The following ZNRF1 variants were observed in gnomAD, a reference collection of about 807,000 sequenced individuals.
The protein encoded by ZNRF1 is zinc and ring finger 1.
A neutral mutation model predicts 18.4 loss-of-function variants in ZNRF1; 3 were observed. That is an observed-to-expected ratio of 0.16 (90% confidence interval 0.07 to 0.42). The LOEUF (loss-of-function observed/expected upper bound fraction) is 0.42. Among genes scored for constraint, ZNRF1 ranks in the 10% least tolerant of loss-of-function variants. The probability of loss-of-function intolerance (pLI) is 0.99; values close to 1 mark genes in which losing one functional copy is unlikely to be tolerated. For synonymous variants in ZNRF1, 157 were observed against 144.2 expected, an observed-to-expected ratio of 1.09 and a Z score of -0.64; for missense variants, 310 against 329.8, an observed-to-expected ratio of 0.94 and a Z score of 0.47.
chr16:75,065,559 C>T (rs952241925), intron 1 of ZNRF1, among the ~76,000 whole-genome samples: 1 of 152,128 alleles, frequency 6.6e-6, no homozygotes, highest in East Asian at 1.9e-4. Context: ...CAAAATGAAA[C>T]AATATAGAAA....
rs988272778 is a variant in ZNRF1, at chr16:75,036,695, C to G, written c.424+36600C>G. ...TCATTCATTTTCTTTCTCAGCTGTT[C>G]AAACTTTAAATGTTTAAAAGGGATA... On this transcript the variant is annotated intron_variant, in intron 1 of 4. Coordinates refer to ENST00000335325, the MANE Select transcript of ZNRF1 (RefSeq NM_032268.5). Among the ~76,000 whole-genome samples, 3 of 151,176 alleles carry G rather than the reference C, an allele frequency of 2.0e-5. No homozygotes were observed. In the Admixed American group the frequency reaches 2.0e-4, roughly 10 times the overall value.
intron 1 of ZNRF1, among the ~76,000 whole-genome samples, chr16:75,086,416 C>T (rs976139430): frequency 7.9e-5 from 12 of 152,158 alleles, no homozygotes; most frequent in African/African-American, 2.7e-4. Context: ...GAGAGGTTTT[C>T]GAAGAGGCAA....
rs938673982 is a variant in ZNRF1, at chr16:75,098,059, A to T, written c.520+4392A>T. Among the ~76,000 whole-genome samples the T allele has an allele frequency of 2.0e-5, 3 of 152,162 alleles. No individual in the cohort carries two copies. The South Asian group carries it at 6.2e-4, about 31-fold the overall frequency. On this transcript the variant is annotated intron_variant, in intron 2 of 4. Coordinates refer to ENST00000335325, the MANE Select transcript of ZNRF1 (RefSeq NM_032268.5). The stretch of plus-strand genomic sequence containing the variant: ...GCCCAGAGCCATTGTTAGATGCTGG[A>T]TGGGCTGGAGTCAGGCTGGACAGGC...
At chr16:75,068,897 T>G (rs2145397408) in intron 1 of ZNRF1, among the ~76,000 whole-genome samples, 1 of 151,658 alleles carries the variant, frequency 6.6e-6, no homozygotes, top group East Asian at 1.9e-4. Flanking sequence ...CCCTCTTCTG[T>G]GAAATGGGCC....
At chr16:75,015,432 G>A (rs1179823938) in intron 1 of ZNRF1, among the ~76,000 whole-genome samples, 1 of 152,160 alleles carries the variant, frequency 6.6e-6, no homozygotes, top group Non-Finnish European at 1.5e-5. Context: ...AAAATGAGCT[G>A]GGCGTGGTGG....
chr16:75,022,070 T>C (rs1322479775), intron 1 of ZNRF1, among the ~76,000 whole-genome samples: 1 of 152,138 alleles, frequency 6.6e-6, no homozygotes, highest in Non-Finnish European at 1.5e-5. Context: ...CTTCCGTCCG[T>C]CCATCCATCC....
chr16:75,072,945 T>A (rs1414382670), intron 1 of ZNRF1, among the ~76,000 whole-genome samples: 1 of 152,162 alleles, frequency 6.6e-6, no homozygotes, highest in East Asian at 1.9e-4. Flanking sequence ...CCAGTGCTAC[T>A]GTTCATCACA....
chr16:75,011,551 C>T (rs539742356), intron 1 of ZNRF1, among the ~76,000 whole-genome samples: 3 of 152,144 alleles, frequency 2.0e-5, no homozygotes, highest in South Asian at 4.1e-4. Context: ...TTTTTTATAG[C>T]TCTGCCTGCT....
intron 2 of ZNRF1, chr16:75,095,491 CA>C: frequency 3.2e-6 from 4 of 1,252,416 alleles, no homozygotes; most frequent in Non-Finnish European, 3.2e-6. Context: ...GCCATGGCCT[CA>C]AAAACCCTAT....
intron 1 of ZNRF1, among the ~76,000 whole-genome samples, chr16:75,005,073 T>C (rs1456654360): frequency 6.6e-6 from 1 of 152,186 alleles, no homozygotes; most frequent in African/African-American, 2.4e-5. Context: ...AAAGCCTTTG[T>C]GTCCCGCCAT....
intron 1 of ZNRF1, among the ~76,000 whole-genome samples, chr16:75,004,998 T>G (rs1183545200): frequency 2.0e-5 from 3 of 152,124 alleles, no homozygotes; most frequent in African/African-American, 7.2e-5. Context: ...GGTTCTCAAG[T>G]GATTTAATTT....
intron 2 of ZNRF1, among the ~76,000 whole-genome samples, chr16:75,100,900 C>T (rs1408053471): frequency 6.6e-6 from 1 of 152,202 alleles, no homozygotes; most frequent in African/African-American, 2.4e-5. Context: ...GTTTTTCCCT[C>T]TGTTTTATTA....
intron 1 of ZNRF1, among the ~76,000 whole-genome samples, chr16:75,027,772 C>T (rs1325146322): frequency 6.6e-6 from 1 of 152,174 alleles, no homozygotes; most frequent in Non-Finnish European, 1.5e-5. Context: ...AGAAGAAACA[C>T]TGAGCACATT....
chr16:75,042,587 TG>T (rs1326284096), intron 1 of ZNRF1, among the ~76,000 whole-genome samples: 3 of 152,192 alleles, frequency 2.0e-5, no homozygotes, highest in African/African-American at 7.2e-5. Context: ...CTTTCAATTC[TG>T]TTCCATTGAT....
At chr16:75,037,561 A>G (rs113446297) in intron 1 of ZNRF1, among the ~76,000 whole-genome samples, 1 of 151,684 alleles carries the variant, frequency 6.6e-6, no homozygotes, top group African/African-American at 2.4e-5. Context: ...CTGGTCTGGA[A>G]CTCCTGACCT....
chr16:75,042,431 G>A (rs1597875447), intron 1 of ZNRF1, among the ~76,000 whole-genome samples: 1 of 137,390 alleles, frequency 7.3e-6, no homozygotes, highest in Non-Finnish European at 1.5e-5. Flanking sequence ...GGGAGGGAGT[G>A]TCTGTTTCTT....
chr16:75,034,800 T>C (rs895797534), intron 1 of ZNRF1, among the ~76,000 whole-genome samples: 1 of 151,334 alleles, frequency 6.6e-6, no homozygotes, highest in African/African-American at 2.4e-5. Flanking sequence ...CTAATTTTTG[T>C]AATTTTAGTA....
At chr16:75,070,422 G>A (rs141338421) in intron 1 of ZNRF1, among the ~76,000 whole-genome samples, 4 of 152,300 alleles carry the variant, frequency 2.6e-5, no homozygotes, top group East Asian at 3.9e-4. Flanking sequence ...CAGTTCTGCA[G>A]TGTTTCTGGA....
intron 1 of ZNRF1, among the ~76,000 whole-genome samples, chr16:75,066,702 C>G (rs577710141): frequency 6.6e-6 from 1 of 152,152 alleles, no homozygotes; most frequent in South Asian, 2.1e-4. Context: ...TGGGGTTTCA[C>G]CATGTTGACC....
Sources: allele counts gnomAD v4.1 joint callset (sites outside exome capture counted in the v4.1 genomes callset), GRCh38; gene constraint gnomAD v4.1.1; transcripts MANE v1.5; gene names NCBI Gene and HGNC (gene_info 2026-07-23, HGNC 2026-07-21).